The following CALD1 variants were observed in gnomAD, a reference collection of about 807,000 sequenced individuals.
CALD1 encodes caldesmon.
CALD1 carries 33 observed loss-of-function variants against 99.9 expected under a neutral mutation model. The observed-to-expected ratio is 0.33, with a 90% confidence interval of 0.25 to 0.44. The LOEUF is 0.44. CALD1 is among the 20% of genes least tolerant of loss of function. The pLI, the probability that CALD1 is intolerant of heterozygous loss-of-function variation, is 1.00. For missense variants in CALD1, 861 were observed against 962.1 expected, an observed-to-expected ratio of 0.89 and a Z score of 1.39; for synonymous variants, 310 against 325.0, an observed-to-expected ratio of 0.95 and a Z score of 0.50.
the CALD1 span, among the ~76,000 whole-genome samples, chr7:134,725,960 T>G: frequency 6.6e-6 from 1 of 152,214 alleles, no homozygotes; most frequent in African/African-American, 2.4e-5. Context: ...TGATGACACT[T>G]TGCTTTCAGA....
chr7:134,775,352 C>G (rs1796909718), upstream of CALD1, among the ~76,000 whole-genome samples: 1 of 152,100 alleles, frequency 6.6e-6, no homozygotes. Flanking sequence ...TAGGTCTTTA[C>G]TTTTAAAATA....
At chr7:134,868,031 C>A (rs1052533661) in intron 3 of CALD1, 6 of 332,400 alleles carry the variant, frequency 1.8e-5, no homozygotes, top group African/African-American at 1.3e-4. Context: ...CAATTGATAA[C>A]TGCATATTGA....
intron 13 of CALD1, chr7:134,962,946 T>C (rs1269673298): frequency 4.4e-6 from 2 of 456,058 alleles, no homozygotes; most frequent in Admixed American, 4.7e-5. Context: ...TAATTCCATT[T>C]ATATTTCCCC....
chr7:134,923,064 T>G (rs751908978), intron 3 of CALD1, among the ~76,000 whole-genome samples: 6 of 152,246 alleles, frequency 3.9e-5, no homozygotes, highest in Non-Finnish European at 7.3e-5. Context: ...TAAAATTCGT[T>G]GCATTTATTC....
chr7:134,816,412 T>A (rs932472820), intron 1 of CALD1, among the ~76,000 whole-genome samples: 1 of 152,218 alleles, frequency 6.6e-6, no homozygotes, highest in Non-Finnish European at 1.5e-5. Context: ...AATTTTCACA[T>A]GCTGGAAAAG....
rs527995316 is a variant in CALD1 at position 134,864,866 on chromosome 7, G to T, written c.-41-2827G>T. ...TGTTTTTCCCCTCTTTACAAAAGAA[G>T]TCACCTCAGTAAATTTTTCAATAGC... On this transcript the variant is annotated intron_variant, in intron 2 of 14. Coordinates refer to ENST00000361675, the MANE Select transcript of CALD1 (RefSeq NM_033138.4). Among the ~76,000 whole-genome samples, 139 of 152,208 alleles carry T rather than the reference G, an allele frequency of 9.1e-4. No individual in the cohort carries two copies. In the Middle Eastern group the frequency reaches 0.034, roughly 37 times the overall value.
chr7:134,760,418 T>C (rs145122877), intron 1 of CALD1, among the ~76,000 whole-genome samples: 2 of 152,278 alleles, frequency 1.3e-5, no homozygotes, highest in East Asian at 3.9e-4. Context: ...TGTGACAAAT[T>C]AGAGGCAGAA....
chr7:134,867,997 G>A, intron 3 of CALD1, 193 bp downstream of exon 3: 1 of 393,162 alleles, frequency 2.5e-6, no homozygotes, highest in Non-Finnish European at 4.7e-6. Flanking sequence ...CAAGAATCAA[G>A]AAAAAGAGAG....
chr7:134,720,184 C>CT, the CALD1 span, among the ~76,000 whole-genome samples: 355 of 139,912 alleles, frequency 2.5e-3, 2 homozygotes, highest in East Asian at 6.9e-3. Flanking sequence ...TAGCCCTCCT[C>CT]TTTTTTTTTT....
chr7:134,805,531 T>C (rs1485057293), intron 1 of CALD1, among the ~76,000 whole-genome samples: 1 of 152,190 alleles, frequency 6.6e-6, no homozygotes, highest in Non-Finnish European at 1.5e-5. Context: ...TGCCCCTGCC[T>C]TATCTGAGTT....
At chr7:134,964,054 G>A (rs919732869) in intron 13 of CALD1, among the ~76,000 whole-genome samples, 2 of 152,168 alleles carry the variant, frequency 1.3e-5, no homozygotes, top group Admixed American at 1.3e-4. Flanking sequence ...AAAATTAGCT[G>A]AGCGTGGTGG....
chr7:134,908,769 C>T (rs888173486), intron 3 of CALD1, among the ~76,000 whole-genome samples: 2 of 152,020 alleles, frequency 1.3e-5, no homozygotes, highest in East Asian at 3.9e-4. Flanking sequence ...CCGTAAAGGG[C>T]CAGGCAGTTT....
chr7:134,941,192 G>C lies in CALD1; in HGVS notation c.1487G>C (p.Gly496Ala), dbSNP rs1455748812. 21 of 1,613,064 alleles carry C rather than the reference G, an allele frequency of 1.3e-5. No homozygotes were observed. Among genetic ancestry groups the C allele is most frequent in the Non-Finnish European group, 1.6e-5 (19 of 1,179,620 alleles). Residue 496 changes from glycine to alanine, a missense_variant, in exon 7 of 15, where the codon GGA (glycine) becomes GCA (alanine). Gly to Ala is a moderately conservative substitution (Grantham distance 60, BLOSUM62 0). This residue lies in a region of CALD1 where 293 missense variants were observed against 262.7 expected (regional missense o/e 1.12). Coordinates refer to ENST00000361675, the MANE Select transcript of CALD1 (RefSeq NM_033138.4). Reference sequence around the variant, plus strand: ...TTTACAGAAGTTAAGTCGCAGAATGGAGAATTCATGACCCACAAACTTAAA... The same window carrying C: ...TTTACAGAAGTTAAGTCGCAGAATGCAGAATTCATGACCCACAAACTTAAA... ...KGFTEVKSQN[G>A]EFMTHKLKHT...
intron 3 of CALD1, among the ~76,000 whole-genome samples, chr7:134,894,816 T>A (rs928808337): frequency 6.6e-6 from 1 of 152,232 alleles, no homozygotes; most frequent in Non-Finnish European, 1.5e-5. Flanking sequence ...TCACTGGTAC[T>A]TTTATCATTT....
chr7:134,870,466 C>T (rs1345998457), intron 3 of CALD1, among the ~76,000 whole-genome samples: 1 of 152,180 alleles, frequency 6.6e-6, no homozygotes, highest in Non-Finnish European at 1.5e-5. Context: ...CGCACGGCTA[C>T]GTGGTTCGTT....
the CALD1 span, among the ~76,000 whole-genome samples, chr7:134,720,470 T>C: frequency 6.6e-6 from 1 of 152,120 alleles, no homozygotes; most frequent in Non-Finnish European, 1.5e-5. Context: ...CTTTATAAAA[T>C]AAACATGAGG....
chr7:134,748,116 G>A (rs966400881), intron 1 of CALD1, among the ~76,000 whole-genome samples: 2 of 152,252 alleles, frequency 1.3e-5, no homozygotes, highest in Non-Finnish European at 2.9e-5. Context: ...GAGCCAAAAA[G>A]ATTATGCTTG....
rs1036792433 is a variant in CALD1 at position 134,938,776 on chromosome 7, C to A, written c.1387-2316C>A. Among the ~76,000 whole-genome samples, 6 of 152,236 alleles carry A rather than the reference C, an allele frequency of 3.9e-5. No individual in the cohort carries two copies. The East Asian group carries it at 1.2e-3, about 29-fold the overall frequency. On this transcript the variant is annotated intron_variant, in intron 6 of 14. Transcript: ENST00000361675. ...TAAGGTTTTCCAAAAAGAATATAAGCCTGCCATCCACTATAGCCTTTGCCA... is the reference window on the plus strand; with the variant it reads ...TAAGGTTTTCCAAAAAGAATATAAGACTGCCATCCACTATAGCCTTTGCCA...
intron 1 of CALD1, among the ~76,000 whole-genome samples, chr7:134,836,227 C>T (rs1010647761): frequency 4.0e-5 from 6 of 151,030 alleles, no homozygotes; most frequent in Non-Finnish European, 7.4e-5. Flanking sequence ...AGCTTTGCCT[C>T]CTCAACCATG....
Sources: allele counts gnomAD v4.1 joint callset (sites outside exome capture counted in the v4.1 genomes callset), GRCh38; gene constraint gnomAD v4.1.1; regional missense constraint gnomAD v4.1.1; transcripts MANE v1.5; gene names NCBI Gene and HGNC (gene_info 2026-07-23, HGNC 2026-07-21).